ZNF804A: variants seen among roughly 807,000 people sequenced by gnomAD.
ZNF804A encodes zinc finger protein 804A.
A neutral mutation model predicts 16.5 loss-of-function variants in ZNF804A; 2 were observed. The observed-to-expected ratio is 0.12, with a 90% CI of 0.05 to 0.38. The LOEUF (loss-of-function observed/expected upper bound fraction) is 0.38, where lower values mean the gene tolerates loss of function less well. Among genes scored for constraint, ZNF804A ranks in the 10% least tolerant of loss-of-function variants. The probability of loss-of-function intolerance (pLI) is 0.99; values close to 1 mark genes in which losing one functional copy is unlikely to be tolerated. For missense variants in ZNF804A, 1,473 were observed against 1,390.7 expected, an observed-to-expected ratio of 1.06 and a Z score of -0.94; for synonymous variants, 534 against 489.6, an observed-to-expected ratio of 1.09 and a Z score of -1.20.
intron 2 of ZNF804A, among the ~76,000 whole-genome samples, chr2:184,907,900 A>T (rs897354288): frequency 6.6e-6 from 1 of 152,180 alleles, no homozygotes; most frequent in Non-Finnish European, 1.5e-5. Flanking sequence ...AGATTTCTTT[A>T]TAATGTAATT....
At chr2:184,612,258 A>G (rs1393353392) in intron 1 of ZNF804A, among the ~76,000 whole-genome samples, 1 of 152,140 alleles carries the variant, frequency 6.6e-6, no homozygotes, top group Non-Finnish European at 1.5e-5. Context: ...AGAAAAAAAT[A>G]GTTGAAAAAT....
chr2:184,840,721 C>G (rs1411211252), intron 1 of ZNF804A, among the ~76,000 whole-genome samples: 1 of 152,026 alleles, frequency 6.6e-6, no homozygotes, highest in Non-Finnish European at 1.5e-5. Context: ...GCTAACAAAA[C>G]TAAAGGAAAA....
chr2:184,913,043 T>G (rs1306562949), intron 2 of ZNF804A, among the ~76,000 whole-genome samples: 1 of 152,102 alleles, frequency 6.6e-6, no homozygotes. Context: ...TAATCACCTT[T>G]AAGACTTTTA....
chr2:184,796,633 G>T (rs2105780925), intron 1 of ZNF804A, among the ~76,000 whole-genome samples: 1 of 151,730 alleles, frequency 6.6e-6, no homozygotes, highest in South Asian at 2.1e-4. Context: ...ATTTATTTCT[G>T]CTCTGATCTT....
intron 1 of ZNF804A, among the ~76,000 whole-genome samples, chr2:184,661,555 G>A (rs1015535679): frequency 1.3e-5 from 2 of 152,176 alleles, no homozygotes; most frequent in African/African-American, 4.8e-5. Context: ...GGTTTGTATG[G>A]GCTTAGAATG....
At chr2:184,617,770 A>G (rs1043432182) in intron 1 of ZNF804A, among the ~76,000 whole-genome samples, 8 of 151,644 alleles carry the variant, frequency 5.3e-5, no homozygotes, top group Admixed American at 4.6e-4. Context: ...TCTCTAAATC[A>G]TATTTTCAAA....
chr2:184,743,544 T>C (rs752308265), intron 1 of ZNF804A, among the ~76,000 whole-genome samples: 1 of 151,922 alleles, frequency 6.6e-6, no homozygotes, highest in Non-Finnish European at 1.5e-5. Flanking sequence ...TAAAGAATGT[T>C]AAGATAAAAT....
At chr2:184,703,736 T>C (rs1489657329) in intron 1 of ZNF804A, among the ~76,000 whole-genome samples, 1 of 141,222 alleles carries the variant, frequency 7.1e-6, no homozygotes, top group Non-Finnish European at 1.6e-5. Flanking sequence ...AAAGAAAATA[T>C]CAATGCAGGA....
intron 1 of ZNF804A, among the ~76,000 whole-genome samples, chr2:184,858,177 A>T (rs1328680324): frequency 4.0e-5 from 6 of 151,822 alleles, no homozygotes; most frequent in East Asian, 3.9e-4. Context: ...AAATATATAT[A>T]TTTTTTATAG....
At chr2:184,721,485 CTT>C (rs1034443749) in intron 1 of ZNF804A, among the ~76,000 whole-genome samples, 8 of 152,054 alleles carry the variant, frequency 5.3e-5, no homozygotes, top group African/African-American at 1.9e-4. Context: ...AAAAAAAATG[CTT>C]AACATCACTA....
In ZNF804A at chr2:184,880,468, TA is replaced by T. The variant is rs553711763; in HGVS notation, c.255+13965del. On this transcript the variant is annotated intron_variant, in intron 2 of 3. Transcript: ENST00000302277. ...GCTTCTATTGTTAAGACACATTTTTTAAAAAAAAATTAGACTTGGGAGAAGT... is the reference window on the plus strand; with the variant it reads ...GCTTCTATTGTTAAGACACATTTTTTAAAAAAAATTAGACTTGGGAGAAGT... 4.4e-3 allele frequency among the ~76,000 whole-genome samples: 660 copies of T among 151,404 alleles called. 5 individuals are homozygous for T. Among genetic ancestry groups the T allele is most frequent in the Non-Finnish European group, 7.2e-3 (491 of 67,772 alleles).
At chr2:184,648,108 TAAGAAAAGAA>T (rs899773108) in intron 1 of ZNF804A, among the ~76,000 whole-genome samples, 2 of 151,936 alleles carry the variant, frequency 1.3e-5, no homozygotes, top group Non-Finnish European at 2.9e-5. Context: ...TAAATAATTT[TAAGAAAAGAA>T]AAGAAAAGAA....
chr2:184,699,406 A>G lies in ZNF804A; in HGVS notation c.111+100336A>G, dbSNP rs138944212. Among the ~76,000 whole-genome samples the G allele has an allele frequency of 1.6e-3, 251 of 152,250 alleles. 1 individual carries two copies. The highest frequency in any genetic ancestry group is 2.5e-3 in the Non-Finnish European group (170 of 67,978). Reference sequence around the variant, plus strand: ...TTATGCATAATGATGTATTGATTAGATAGAAAATTAAATGGTGAATCCAGA... The same window carrying G: ...TTATGCATAATGATGTATTGATTAGGTAGAAAATTAAATGGTGAATCCAGA... On this transcript the variant is annotated intron_variant, in intron 1 of 3. Coordinates refer to ENST00000302277, the MANE Select transcript of ZNF804A (RefSeq NM_194250.2).
At chr2:184,906,882 T>C (rs985722993) in intron 2 of ZNF804A, among the ~76,000 whole-genome samples, 1 of 152,130 alleles carries the variant, frequency 6.6e-6, no homozygotes, top group Non-Finnish European at 1.5e-5. Flanking sequence ...ATGAGAAGAA[T>C]TTGACACATG....
chr2:184,668,869 C>T (rs1179027712), intron 1 of ZNF804A, among the ~76,000 whole-genome samples: 1 of 151,728 alleles, frequency 6.6e-6, no homozygotes, highest in Non-Finnish European at 1.5e-5. Flanking sequence ...TAGTATTGCC[C>T]GAGAATTGGT....
At chr2:184,817,369 C>G (rs1350125937) in intron 1 of ZNF804A, among the ~76,000 whole-genome samples, 2 of 151,778 alleles carry the variant, frequency 1.3e-5, no homozygotes, top group Non-Finnish European at 2.9e-5. Context: ...ACAAAAACAT[C>G]AACAAAAAAG....
Position 184,655,489 on chromosome 2 carries a change from G to A in ZNF804A, c.111+56419G>A, listed in dbSNP as rs141514774. The stretch of plus-strand genomic sequence containing the variant: ...CTCAGGTGGGATGCATTTGATCAAC[G>A]ACCTAGGAAGTTTGTTGCATTTAAA... On this transcript the variant is annotated intron_variant, in intron 1 of 3. Coordinates refer to ENST00000302277, the MANE Select transcript of ZNF804A (RefSeq NM_194250.2). Among the ~76,000 whole-genome samples, 169 of 152,276 alleles carry A rather than the reference G, an allele frequency of 1.1e-3. 1 individual carries two copies. The highest frequency in any genetic ancestry group is 4.0e-3 in the African/African-American group (165 of 41,562).
At chr2:184,665,452 G>A (rs944679566) in intron 1 of ZNF804A, among the ~76,000 whole-genome samples, 4 of 152,174 alleles carry the variant, frequency 2.6e-5, no homozygotes, top group African/African-American at 9.7e-5. Context: ...TTCCAATTTG[G>A]AGATAGTAAT....
chr2:184,789,387 G>A (rs1340477624), intron 1 of ZNF804A, among the ~76,000 whole-genome samples: 3 of 151,968 alleles, frequency 2.0e-5, no homozygotes, highest in Non-Finnish European at 2.9e-5. Flanking sequence ...TTGATTTTTC[G>A]GAATAGTTTC....
Sources: gnomAD v4.1 joint callset for allele counts (sites outside exome capture counted in the v4.1 genomes callset) on GRCh38, gnomAD v4.1.1 for gene constraint, MANE v1.5 for transcripts, NCBI Gene and HGNC (gene_info 2026-07-23, HGNC 2026-07-21) for gene names.